Variants in ADCY6 observed in about 807,000 individuals in gnomAD.
The protein encoded by ADCY6 is adenylate cyclase type 6.
Under a neutral mutation model 111.6 loss-of-function variants are expected in ADCY6, and 59 were observed. That is an observed-to-expected ratio of 0.53 (90% CI 0.43 to 0.66). The LOEUF (loss-of-function observed/expected upper bound fraction) is 0.66. Among genes scored for constraint, ADCY6 ranks in the 30% least tolerant of loss-of-function variants. ADCY6 has a pLI of 0.00. For missense variants in ADCY6, 1,242 were observed against 1,595.6 expected, an observed-to-expected ratio of 0.78 and a Z score of 3.78; for synonymous variants, 576 against 642.9, an observed-to-expected ratio of 0.90 and a Z score of 1.57.
chr12:48,775,853 C>A, intron 9 of ADCY6, 110 bp downstream of exon 9: 1 of 1,524,014 alleles, frequency 6.6e-7, no homozygotes, highest in Non-Finnish European at 8.9e-7. Flanking sequence ...TGCCCCAATA[C>A]CAGAAAGCAT....
At chr12:48,780,527 A>G (rs543370418) in intron 2 of ADCY6, among the ~76,000 whole-genome samples, 4 of 152,176 alleles carry the variant, frequency 2.6e-5, no homozygotes, top group Admixed American at 6.5e-5. Context: ...CTGCCCCAAG[A>G]ATGTGCCTAT....
rs1271812125 is a variant in ADCY6 at position 48,773,548 on chromosome 12, T to C, written c.2542A>G (p.Ile848Val). 3.1e-6 allele frequency: 5 copies of C among 1,614,082 alleles called. No homozygotes were observed. The highest frequency in any genetic ancestry group is 4.2e-6 in the Non-Finnish European group (5 of 1,180,000). ...CCCAGCAGAAGCAGCACCAAATAGA[T>C]GAGCCCCAAGACAAAGATCATGGCC... ...KLAMIFVLGL[I>V]YLVLLLLGPP... Residue 848 changes from isoleucine to valine, a missense_variant, in exon 16 of 22, where the codon ATC becomes GTC. This residue lies in a region of ADCY6 where 375 missense variants were observed against 432.5 expected (regional missense o/e 0.87). Coordinates refer to ENST00000357869, the MANE Select transcript of ADCY6 (RefSeq NM_015270.5).
At position 48,775,718 on chromosome 12, in the gene ADCY6, G is replaced by C; in HGVS notation, c.1807-20C>G. 2 of 1,612,192 alleles carry C rather than the reference G, an allele frequency of 1.2e-6. No homozygotes were observed. The highest frequency in any genetic ancestry group is 1.7e-6 in the Non-Finnish European group (2 of 1,178,568). ...AATGCCCTGGAGAAAGGGACAGAGT[G>C]TGGAGTGAGGTGAAGGGCCAACAAC... On this transcript the variant is annotated intron_variant, in intron 9 of 21. Coordinates refer to ENST00000357869, the MANE Select transcript of ADCY6 (RefSeq NM_015270.5).
Position 48,767,045 on chromosome 12 carries a change from G to T in ADCY6, c.*1546C>A. Reference sequence around the variant, plus strand: ...AGAAACATGCTAGACTCAGGCTGAAGGCTGGGGAAAGCCAAGTTTAAGGTT... The same window carrying T: ...AGAAACATGCTAGACTCAGGCTGAATGCTGGGGAAAGCCAAGTTTAAGGTT... On this transcript the variant is annotated 3_prime_UTR_variant, in exon 22 of 22. Coordinates refer to ENST00000357869, the MANE Select transcript of ADCY6 (RefSeq NM_015270.5). The T allele has an allele frequency of 6.5e-6, 1 of 152,678 alleles. No individual in the cohort carries two copies. The allele number at this position is 152,678 out of a possible 1,614,324, so 9.5% of individuals were successfully genotyped here.
intron 1 of ADCY6, among the ~76,000 whole-genome samples, 152 bp downstream of exon 1, chr12:48,788,754 C>T (rs1011933993): frequency 2.0e-5 from 3 of 152,114 alleles, no homozygotes; most frequent in African/African-American, 7.2e-5. Flanking sequence ...CTTTGCCAAC[C>T]CCAACTCCCT....
In ADCY6 at chr12:48,783,834, C is replaced by G. The variant is rs139677065; in HGVS notation, c.-4-396G>C. On this transcript the variant is annotated intron_variant, in intron 1 of 21. Transcript: ENST00000357869. ...GCGTGGTGGCTCACGTCCGTAATCC[C>G]AGCACTTTGGAAGGCCCTGGCAGGT... 7.6e-3 allele frequency: 1,577 copies of G among 207,376 alleles called. 25 individuals carry two copies. Among genetic ancestry groups the G allele is most frequent in the African/African-American group, 0.036 (1,500 of 42,196 alleles). The allele number at this position is 207,376 out of a possible 1,614,324, so 12.8% of individuals were successfully genotyped here.
Position 48,776,273 on chromosome 12 carries a change from C to T in ADCY6, c.1613G>A (p.Arg538His), listed in dbSNP as rs146870636. 267 of 1,614,090 alleles carry T rather than the reference C, an allele frequency of 1.7e-4. No individual in the cohort carries two copies. The highest frequency in any genetic ancestry group is 2.1e-4 in the Non-Finnish European group (248 of 1,180,054). Residue 538 changes from arginine to histidine, a missense_variant, in exon 8 of 22, where the codon CGC (arginine) becomes CAC (histidine). By Grantham distance (29) the Arg-to-His change is conservative (BLOSUM62 0). This residue lies in a region of ADCY6 where 260 missense variants were observed against 414.6 expected (regional missense o/e 0.63). Coordinates refer to ENST00000357869, the MANE Select transcript of ADCY6 (RefSeq NM_015270.5). This position sits in a 1 kb window ranked among gnomAD's most constrained non-coding sequence, Gnocchi z 6.1. ...GTGCTGCTCCTTGAGGTACGCGTTGCGCTCGCCACCACGGCCTGGCTCCAC... is the reference window on the plus strand; with the variant it reads ...GTGCTGCTCCTTGAGGTACGCGTTGTGCTCGCCACCACGGCCTGGCTCCAC... ...YEVEPGRGGERNAYLKEQHIE... is the reference protein window; with the variant it reads ...YEVEPGRGGEHNAYLKEQHIE...
intron 1 of ADCY6, among the ~76,000 whole-genome samples, chr12:48,788,112 C>T (rs984010547): frequency 6.6e-6 from 1 of 152,158 alleles, no homozygotes; most frequent in Non-Finnish European, 1.5e-5. Flanking sequence ...ACATGGGCCT[C>T]AATTCTTCAA....
rs146387617 is a variant in ADCY6, at chr12:48,788,122, A to G, written c.-5+784T>C. Among the ~76,000 whole-genome samples the G allele has an allele frequency of 2.0e-3, 299 of 152,160 alleles. 1 individual carries two copies. Among genetic ancestry groups the G allele is most frequent in the African/African-American group, 6.8e-3 (283 of 41,512 alleles). On this transcript the variant is annotated intron_variant, in intron 1 of 21. Coordinates refer to ENST00000357869, the MANE Select transcript of ADCY6 (RefSeq NM_015270.5). Reference sequence around the variant, plus strand: ...CTCGGACATGGGCCTCAATTCTTCAATTCTGGGCCTTTCCAGATGTAGAGG... The same window carrying G: ...CTCGGACATGGGCCTCAATTCTTCAGTTCTGGGCCTTTCCAGATGTAGAGG...
chr12:48,768,459 G>T lies in ADCY6; in HGVS notation c.*132C>A. ...GACGAGCATGATCCAAGCACAGCCT[G>T]CTGGGATGTTCCCTTTTGTGGTTAG... is the stretch of plus-strand genomic sequence containing the variant. On this transcript the variant is annotated 3_prime_UTR_variant, in exon 22 of 22. Transcript: ENST00000357869. The T allele has an allele frequency of 3.0e-6, 4 of 1,328,714 alleles. No individual in the cohort carries two copies. The highest frequency in any genetic ancestry group is 2.9e-5 in the African/African-American group (2 of 69,520). 82.3% of individuals were successfully genotyped at this position (1,328,714 alleles called of 1,614,324 possible).
Position 48,771,403 on chromosome 12 carries a change from G to A in ADCY6, c.3051+307C>T. On this transcript the variant is annotated intron_variant, in intron 19 of 21. Coordinates refer to ENST00000357869, the MANE Select transcript of ADCY6 (RefSeq NM_015270.5). The surrounding 1 kb of genome is among the most constrained non-coding windows in gnomAD (Gnocchi z 4.3). ...CATCTTGCTTGGTTGGTCTCATGAGGTTCTGTCCACAGACTATTGCCTTCT... is the reference window on the plus strand; with the variant it reads ...CATCTTGCTTGGTTGGTCTCATGAGATTCTGTCCACAGACTATTGCCTTCT... 1 of 527,978 alleles carries A rather than the reference G, an allele frequency of 1.9e-6. No individual in the cohort carries two copies. Among genetic ancestry groups the A allele is most frequent in the South Asian group, 2.0e-5 (1 of 49,172 alleles). 32.7% of individuals were successfully genotyped at this position (527,978 alleles called of 1,614,324 possible). A position where few individuals can be genotyped will look rare whatever the true frequency, so the allele number is the denominator to read the frequency against.
rs1018669711 is a variant in ADCY6 at position 48,766,530 on chromosome 12, T to A, written c.*2061A>T. The A allele has an allele frequency of 7.9e-5, 12 of 152,670 alleles. No homozygotes were observed. The highest frequency in any genetic ancestry group is 2.9e-4 in the African/African-American group (12 of 41,450). The allele number at this position is 152,670 out of a possible 1,614,324, so 9.5% of individuals were successfully genotyped here. ...CATGGCACCAAGTAGTCTCTTCCTA[T>A]CCCTTCCTATCCAGGGATATGGCTG... On this transcript the variant is annotated 3_prime_UTR_variant, in exon 22 of 22. Coordinates refer to ENST00000357869, the MANE Select transcript of ADCY6 (RefSeq NM_015270.5).
At chr12:48,769,711 C>T (rs1367983751) in intron 20 of ADCY6, among the ~76,000 whole-genome samples, 3 of 150,604 alleles carry the variant, frequency 2.0e-5, no homozygotes, top group Non-Finnish European at 3.0e-5. Context: ...CTCAGCCTCC[C>T]GAGTAGCTGG....
intron 16 of ADCY6, among the ~76,000 whole-genome samples, chr12:48,772,768 C>T (rs1263213862): frequency 1.3e-5 from 2 of 152,202 alleles, no homozygotes; most frequent in African/African-American, 4.8e-5. Context: ...AGACAAGTCG[C>T]TTAACTCTCT....
At chr12:48,783,586 G>C (rs1941913447) in intron 1 of ADCY6, 148 bp from the exon 2 acceptor site, 3 of 1,473,262 alleles carry the variant, frequency 2.0e-6, no homozygotes, top group Non-Finnish European at 2.7e-6. Flanking sequence ...AAAATTACTT[G>C]GAGGTAGGCA....
chr12:48,782,452 T>G lies in ADCY6; in HGVS notation c.864+119A>C. On this transcript the variant is annotated intron_variant, in intron 2 of 21. Transcript: ENST00000357869. This position sits in a 1 kb window ranked among gnomAD's most constrained non-coding sequence, Gnocchi z 4.3. ...TCCTCCTCCCAGATACAGCCAGACA[T>G]CCCTGCACCCAGCTTCCACCCATGA... 1 of 1,460,416 alleles carries G rather than the reference T, an allele frequency of 6.8e-7. No individual in the cohort carries two copies. The highest frequency in any genetic ancestry group is 9.1e-7 in the Non-Finnish European group (1 of 1,104,514). 90.5% of individuals were successfully genotyped at this position (1,460,416 alleles called of 1,614,324 possible). A position where few individuals can be genotyped will look rare whatever the true frequency, so the allele number is the denominator to read the frequency against.
At position 48,778,203 on chromosome 12, in the gene ADCY6, G is replaced by T; in HGVS notation, c.919C>A (p.His307Asn). The T allele has an allele frequency of 6.2e-7, 1 of 1,614,200 alleles. No homozygotes were observed. ...CGCTGAGACACCTCTGCTGGATAGT[G>T]TGTGCAGATGCCAATGACGTTGGTG... Reference protein sequence around the residue: ...LCTNVIGICTHYPAEVSQRQA... With the variant: ...LCTNVIGICTNYPAEVSQRQA... Residue 307 changes from histidine (H) to asparagine (N), a missense_variant, in exon 3 of 22, where the codon CAC (histidine) becomes AAC (asparagine). Physicochemically the swap from His to Asn is moderately conservative, Grantham distance 68. Transcript: ENST00000357869.
At position 48,771,209 on chromosome 12, in the gene ADCY6, C is replaced by T; in HGVS notation, c.3052-239G>A. The T allele has an allele frequency of 3.5e-6, 2 of 571,034 alleles. No homozygotes were observed. The highest frequency in any genetic ancestry group is 3.1e-6 in the Non-Finnish European group (1 of 319,346). The allele number at this position is 571,034 out of a possible 1,614,324, so 35.4% of individuals were successfully genotyped here. A position where few individuals can be genotyped will look rare whatever the true frequency, so the allele number is the denominator to read the frequency against. ...CCTCCAGTAGCTCACTCACAGAACA[C>T]AGACCCACAAGTGCAATATTAAGCA... is the stretch of plus-strand genomic sequence containing the variant. On this transcript the variant is annotated intron_variant, in intron 19 of 21. Transcript: ENST00000357869. This position sits in a 1 kb window ranked among gnomAD's most constrained non-coding sequence, Gnocchi z 4.3.
At position 48,775,953 on chromosome 12, in the gene ADCY6, G is replaced by A. The variant is rs1486905635; in HGVS notation, c.1806+10C>T. On this transcript the variant is annotated intron_variant, in intron 9 of 21. Transcript: ENST00000357869. ...ATGAGGCCCTAGGTCTGGTGCTGAG[G>A]GCCCCTCACCATCTGGCGGAAGGCC... The A allele has an allele frequency of 1.3e-6, 2 of 1,594,438 alleles. No homozygotes were observed. The highest frequency in any genetic ancestry group is 1.7e-6 in the Non-Finnish European group (2 of 1,170,836).
Sources: gnomAD v4.1 joint callset for allele counts (sites outside exome capture counted in the v4.1 genomes callset) on GRCh38, gnomAD v4.1.1 for gene constraint, gnomAD v4.1.1 regional missense constraint, Gnocchi (gnomAD v3.1) non-coding constraint, MANE v1.5 for transcripts, NCBI Gene and HGNC (gene_info 2026-07-23, HGNC 2026-07-21) for gene names.